Variants in LINC00237 observed in about 807,000 individuals in gnomAD.
LINC00237 encodes the protein long independently transcribed non-coding RNA 237, also known as long intergenic non-protein coding RNA 237.
chr20:21,100,796 G>C (rs927592934), intron 1 of LINC00237, among the ~76,000 whole-genome samples: 1 of 152,184 alleles, frequency 6.6e-6, no homozygotes, highest in Admixed American at 6.5e-5. Context: ...TCTGCACCCA[G>C]TTGGTGGGTT....
intron 2 of LINC00237, chr20:21,092,858 TA>T (rs2030810779): frequency 6.6e-6 from 1 of 152,218 alleles, no homozygotes; most frequent in African/African-American, 2.4e-5. Context: ...GGAAACTTTC[TA>T]GAAAGTTAGC....
At chr20:21,089,239 T>G (rs936783764) in intron 2 of LINC00237, among the ~76,000 whole-genome samples, 1 of 151,584 alleles carries the variant, frequency 6.6e-6, no homozygotes, top group Non-Finnish European at 1.5e-5. Context: ...TTTTGAAAGG[T>G]TGAAATAATT....
chr20:21,091,645 C>T (rs926838794), intron 2 of LINC00237, among the ~76,000 whole-genome samples: 4 of 152,154 alleles, frequency 2.6e-5, no homozygotes, highest in Admixed American at 6.5e-5. Context: ...ACATTAGGAC[C>T]GTCTCAACCA....
intron 1 of LINC00237, among the ~76,000 whole-genome samples, chr20:21,100,152 C>A (rs1600314135): frequency 6.6e-6 from 1 of 152,022 alleles, no homozygotes; most frequent in South Asian, 2.1e-4. Context: ...GCGGTAGTAG[C>A]ACTTCGTAGC....
chr20:21,103,167 T>G (rs1206135150), intron 1 of LINC00237, among the ~76,000 whole-genome samples: 1 of 152,256 alleles, frequency 6.6e-6, no homozygotes, highest in Non-Finnish European at 1.5e-5. Context: ...GCGCCAACGC[T>G]GCAAGCAATG....
chr20:21,104,092 G>T (rs527723080), intron 1 of LINC00237, among the ~76,000 whole-genome samples: 2 of 151,196 alleles, frequency 1.3e-5, no homozygotes, highest in Admixed American at 1.3e-4. Flanking sequence ...GAAAACAAAT[G>T]TAATTCCTGG....
intron 1 of LINC00237, among the ~76,000 whole-genome samples, chr20:21,095,816 T>A (rs2030851242): frequency 1.3e-5 from 2 of 152,222 alleles, no homozygotes; most frequent in South Asian, 4.1e-4. Context: ...GGGAACTTTT[T>A]CTTGGCCCCT....
rs114363715 is a variant in LINC00237, at chr20:21,104,496, C to A, written n.88+1775G>T. 6.3e-3 allele frequency among the ~76,000 whole-genome samples: 956 copies of A among 152,360 alleles called. 12 individuals carry two copies. The highest frequency in any genetic ancestry group is 0.022 in the African/African-American group (895 of 41,582). On this transcript the variant is annotated intron_variant and non_coding_transcript_variant, in intron 1 of 3. Coordinates refer to ENST00000691244, the Ensembl canonical transcript of LINC00237. ...CACTAACTCACCTTGAGGGGAGTGG[C>A]CTCCTCTCAGGGCCTTTGGGCCAGG... is the stretch of plus-strand genomic sequence containing the variant.
In LINC00237 at chr20:21,103,393, G is replaced by C. The variant is rs1009735340; in HGVS notation, n.88+2878C>G. On this transcript the variant is annotated intron_variant and non_coding_transcript_variant, in intron 1 of 3. Transcript: ENST00000691244. ...ATGCCTTTGCCTGCGGGGTGGCAGG[G>C]CTGTCCCTACCAATAGCCACGGCTC... Among the ~76,000 whole-genome samples, 115 of 152,186 alleles carry C rather than the reference G, an allele frequency of 7.6e-4. 1 individual carries two copies. Among genetic ancestry groups the C allele is most frequent in the Non-Finnish European group, 1.3e-4 (9 of 68,036 alleles).
At chr20:21,105,300 A>C in intron 1 of LINC00237, among the ~76,000 whole-genome samples, 1 of 129,574 alleles carries the variant, frequency 7.7e-6, no homozygotes, top group Non-Finnish European at 1.7e-5. Context: ...CCCCACCCCA[A>C]GGTGTTGTTT....
chr20:21,094,966 GC>G (rs1188981497), intron 1 of LINC00237, among the ~76,000 whole-genome samples: 19 of 152,216 alleles, frequency 1.2e-4, no homozygotes, highest in Non-Finnish European at 4.4e-5. Context: ...CAGGAGCATC[GC>G]TTGAACCCAG....
At chr20:21,093,039 T>C (rs916379805) in intron 2 of LINC00237, 2 of 152,150 alleles carry the variant, frequency 1.3e-5, no homozygotes. Context: ...ATGTGACCCA[T>C]GGCAGAACCC....
At chr20:21,102,236 C>A (rs2030942135) in intron 1 of LINC00237, among the ~76,000 whole-genome samples, 1 of 152,226 alleles carries the variant, frequency 6.6e-6, no homozygotes, top group Admixed American at 6.5e-5. Flanking sequence ...CCCCCTGCTA[C>A]CTATCATGCC....
At chr20:21,095,416 CTGT>C (rs1207576269) in intron 1 of LINC00237, among the ~76,000 whole-genome samples, 9 of 152,160 alleles carry the variant, frequency 5.9e-5, no homozygotes, top group South Asian at 2.1e-4. Context: ...AAAAAATAAA[CTGT>C]TGTTGTTGTA....
At chr20:21,089,274 G>T (rs1022750252) in intron 2 of LINC00237, among the ~76,000 whole-genome samples, 4 of 151,430 alleles carry the variant, frequency 2.6e-5, no homozygotes, top group African/African-American at 9.7e-5. Context: ...TGCAAGATAG[G>T]TTTGCTACCT....
intron 2 of LINC00237, among the ~76,000 whole-genome samples, chr20:21,091,508 C>A (rs1481208714): frequency 6.6e-6 from 1 of 152,146 alleles, no homozygotes; most frequent in Non-Finnish European, 1.5e-5. Flanking sequence ...CGCCACTCTG[C>A]AATGCAAATG....
At chr20:21,093,140 A>G (rs1283819787) in intron 2 of LINC00237, 1 of 152,262 alleles carries the variant, frequency 6.6e-6, no homozygotes, top group Non-Finnish European at 1.5e-5. Context: ...AGCCAATGTG[A>G]ATGCAGAAAG....
chr20:21,100,915 C>G (rs1296909400), intron 1 of LINC00237, among the ~76,000 whole-genome samples: 2 of 152,138 alleles, frequency 1.3e-5, no homozygotes, highest in African/African-American at 2.4e-5. Flanking sequence ...CTCGGCAGCC[C>G]GATGATGTCG....
At chr20:21,088,327 A>G (rs2030742788) in intron 2 of LINC00237, among the ~76,000 whole-genome samples, 1 of 152,078 alleles carries the variant, frequency 6.6e-6, no homozygotes, top group Admixed American at 6.6e-5. Context: ...GAGCAAACCC[A>G]CTCTGCATTT....
Sources: allele counts gnomAD v4.1 joint callset (sites outside exome capture counted in the v4.1 genomes callset), GRCh38; gene constraint gnomAD v4.1.1; transcripts MANE v1.5; gene names NCBI Gene and HGNC (gene_info 2026-07-23, HGNC 2026-07-21).